IL15RA: variants seen among roughly 807,000 people sequenced by gnomAD.
IL15RA encodes the protein interleukin-15 receptor subunit alpha.
In IL15RA, 26 loss-of-function variants were observed where a neutral mutation model predicts 24.2. The observed-to-expected ratio is 1.07, with a 90% CI of 0.79 to 1.49. IL15RA has a LOEUF of 1.49. Ranked by LOEUF, IL15RA falls within the 40% of genes most tolerant of loss-of-function variation. IL15RA has a pLI of 0.00. For synonymous variants in IL15RA, 166 were observed against 157.6 expected, an observed-to-expected ratio of 1.05 and a Z score of -0.40; for missense variants, 354 against 356.4, an observed-to-expected ratio of 0.99 and a Z score of 0.05.
chr10:5,969,364 TTA>T (rs1017507756), intron 1 of IL15RA, among the ~76,000 whole-genome samples: 5 of 137,006 alleles, frequency 3.6e-5, no homozygotes, highest in African/African-American at 1.1e-4. Flanking sequence ...TTAAATTAAA[TTA>T]AATTAAATTA....
intron 1 of IL15RA, among the ~76,000 whole-genome samples, chr10:5,976,397 G>T (rs1403607093): frequency 6.6e-6 from 1 of 152,198 alleles, no homozygotes; most frequent in Non-Finnish European, 1.5e-5. Flanking sequence ...TCAGGGTCTC[G>T]CTTAAAAACA....
In IL15RA at chr10:5,953,140, G is replaced by C. The variant is rs1427045505; in HGVS notation, c.759C>G (p.Thr253=). Residue 253 remains threonine (T), a synonymous_variant, in exon 7 of 7, where the codon ACC becomes ACG. Transcript: ENST00000379977. This position sits in a 1 kb window ranked among gnomAD's most constrained non-coding sequence, Gnocchi z 5.3. The part of the protein sequence containing the change: ...AMEALPVTWG[T]SSRDEDLENC... Reference sequence around the variant, plus strand: ...TTTCCAAGTCTTCATCTCTGCTGCTGGTCCCCCAAGTCACCGGCAGAGCCT... The same window carrying C: ...TTTCCAAGTCTTCATCTCTGCTGCTCGTCCCCCAAGTCACCGGCAGAGCCT... 6 of 1,614,210 alleles carry C rather than the reference G, an allele frequency of 3.7e-6. No individual in the cohort carries two copies. The highest frequency in any genetic ancestry group is 5.1e-6 in the Non-Finnish European group (6 of 1,180,004).
chr10:5,968,103 A>C lies in IL15RA; in HGVS notation c.89-1764T>G, dbSNP rs969598410. Among the ~76,000 whole-genome samples, 1 of 152,164 alleles carries C rather than the reference A, an allele frequency of 6.6e-6. No individual in the cohort carries two copies. Among genetic ancestry groups the C allele is most frequent in the Non-Finnish European group, 1.5e-5 (1 of 68,030 alleles). ...CAAAAACCAACAAACCAACCAAACAAAAAACATTAGCAACAAATGCCAAAG... is the reference window on the plus strand; with the variant it reads ...CAAAAACCAACAAACCAACCAAACACAAAACATTAGCAACAAATGCCAAAG... On this transcript the variant is annotated intron_variant, in intron 1 of 6. Coordinates refer to ENST00000379977, the MANE Select transcript of IL15RA (RefSeq NM_002189.4). This position sits in a 1 kb window ranked among gnomAD's most constrained non-coding sequence, Gnocchi z 5.4.
At chr10:5,950,815 G>A, downstream of IL15RA, 1 of 152,646 alleles carries the variant, frequency 6.6e-6, no homozygotes, top group Non-Finnish European at 1.5e-5. The surrounding 1 kb of genome is among the most constrained non-coding windows in gnomAD (Gnocchi z 5.6). Flanking sequence ...TTTTGATGAA[G>A]GCATCTAAGC....
rs752562903 is a variant in IL15RA at position 5,953,249 on chromosome 10, T to G, written c.693-43A>C. 2 of 1,417,378 alleles carry G rather than the reference T, an allele frequency of 1.4e-6. No homozygotes were observed. The highest frequency in any genetic ancestry group is 1.2e-5 in the South Asian group (1 of 86,942). 87.8% of individuals were successfully genotyped at this position (1,417,378 alleles called of 1,614,324 possible). On this transcript the variant is annotated intron_variant, in intron 6 of 6. Coordinates refer to ENST00000379977, the MANE Select transcript of IL15RA (RefSeq NM_002189.4). This position sits in a 1 kb window ranked among gnomAD's most constrained non-coding sequence, Gnocchi z 5.3. ...CATAGGTTTTGAAAAGAGGAGGGGG[T>G]TGCCCTCAAATCAACAGACGCTTCC...
rs1835905251 is a variant in IL15RA at position 5,963,293 on chromosome 10, C to T, written c.382+450G>A. Among the ~76,000 whole-genome samples the T allele has an allele frequency of 6.6e-6, 1 of 152,220 alleles. No individual in the cohort carries two copies. Among genetic ancestry groups the T allele is most frequent in the Non-Finnish European group, 1.5e-5 (1 of 68,048 alleles). ...GAGTGGACAGGCATCTGTTCAGGCC[C>T]AACTGTGCTGCCCCTGCTGGCTAGG... On this transcript the variant is annotated intron_variant, in intron 3 of 6. Coordinates refer to ENST00000379977, the MANE Select transcript of IL15RA (RefSeq NM_002189.4). This position sits in a 1 kb window ranked among gnomAD's most constrained non-coding sequence, Gnocchi z 5.3.
rs1475152482 is a variant in IL15RA, at chr10:5,971,491, G to A, written c.89-5152C>T. ...CAGCCTCGGCCTGGTTCCATATCCA[G>A]AGTTCAGAGGTTGTCGGGTTAGCGT... On this transcript the variant is annotated intron_variant, in intron 1 of 6. Coordinates refer to ENST00000379977, the MANE Select transcript of IL15RA (RefSeq NM_002189.4). The surrounding 1 kb of genome is among the most constrained non-coding windows in gnomAD (Gnocchi z 5.5). Among the ~76,000 whole-genome samples the A allele has an allele frequency of 6.6e-6, 1 of 152,228 alleles. No homozygotes were observed. Among genetic ancestry groups the A allele is most frequent in the Non-Finnish European group, 1.5e-5 (1 of 68,044 alleles).
rs1837586372 is a variant in IL15RA, at chr10:5,971,438, T to C, written c.89-5099A>G. Among the ~76,000 whole-genome samples, 1 of 152,186 alleles carries C rather than the reference T, an allele frequency of 6.6e-6. No homozygotes were observed. Among genetic ancestry groups the C allele is most frequent in the African/African-American group, 2.4e-5 (1 of 41,450 alleles). ...GAATCACACTTCCTTATCTATCAGGTTGGTTTACAGAGTCTAATAAGAGCT... is the reference window on the plus strand; with the variant it reads ...GAATCACACTTCCTTATCTATCAGGCTGGTTTACAGAGTCTAATAAGAGCT... On this transcript the variant is annotated intron_variant, in intron 1 of 6. Coordinates refer to ENST00000379977, the MANE Select transcript of IL15RA (RefSeq NM_002189.4). This position sits in a 1 kb window ranked among gnomAD's most constrained non-coding sequence, Gnocchi z 5.5.
At chr10:5,954,012 G>C (rs1589152443) in intron 6 of IL15RA, 1 of 152,132 alleles carries the variant, frequency 6.6e-6, no homozygotes, top group East Asian at 1.9e-4. Flanking sequence ...CTAAAATAAG[G>C]CAGGATGGGG....
chr10:5,964,778 G>A lies in IL15RA; in HGVS notation c.284-937C>T, dbSNP rs1836220469. Among the ~76,000 whole-genome samples, 1 of 152,220 alleles carries A rather than the reference G, an allele frequency of 6.6e-6. No homozygotes were observed. On this transcript the variant is annotated intron_variant, in intron 2 of 6. Coordinates refer to ENST00000379977, the MANE Select transcript of IL15RA (RefSeq NM_002189.4). The surrounding 1 kb of genome is among the most constrained non-coding windows in gnomAD (Gnocchi z 5.6). ...TTTTACCTCGGGCAGACAGGTTCCAGGGAGTCCCAGGACTGGCAGAGTAAG... is the reference window on the plus strand; with the variant it reads ...TTTTACCTCGGGCAGACAGGTTCCAAGGAGTCCCAGGACTGGCAGAGTAAG...
intron 6 of IL15RA, among the ~76,000 whole-genome samples, chr10:5,954,175 T>TC: frequency 9.4e-6 from 1 of 106,008 alleles, no homozygotes; most frequent in Non-Finnish European, 1.9e-5. Context: ...CTTCTTTTTT[T>TC]TTTTTTTTTT....
rs535507050 is a variant in IL15RA, at chr10:5,977,487, G to T, written c.6C>A (p.Ala2=). The T allele has an allele frequency of 3.7e-6, 5 of 1,354,918 alleles. No homozygotes were observed. The highest frequency in any genetic ancestry group is 4.7e-6 in the Non-Finnish European group (5 of 1,055,400). 83.9% of individuals were successfully genotyped at this position (1,354,918 alleles called of 1,614,324 possible). A position where few individuals can be genotyped will look rare whatever the true frequency, so the allele number is the denominator to read the frequency against. The change falls in exon 1 of 7, where the codon GCC becomes GCA. Residue 2 remains alanine (A), a synonymous_variant. Coordinates refer to ENST00000379977, the MANE Select transcript of IL15RA (RefSeq NM_002189.4). M[A]PRRARGCRTL... Reference sequence around the variant, plus strand: ...TCCGGCAGCCGCGCGCCCGCCGCGGGGCCATGGCGGCAGCTCCACAGGACA... The same window carrying T: ...TCCGGCAGCCGCGCGCCCGCCGCGGTGCCATGGCGGCAGCTCCACAGGACA...
chr10:5,963,735 C>A lies in IL15RA; in HGVS notation c.382+8G>T. 6.6e-7 allele frequency: 1 copy of A among 1,506,066 alleles called. No homozygotes were observed. The highest frequency in any genetic ancestry group is 1.4e-5 in the South Asian group (1 of 73,972). The allele number at this position is 1,506,066 out of a possible 1,614,324, so 93.3% of individuals were successfully genotyped here. A position where few individuals can be genotyped will look rare whatever the true frequency, so the allele number is the denominator to read the frequency against. On this transcript the variant is annotated splice_region_variant and intron_variant, in intron 3 of 6. Transcript: ENST00000379977. This position sits in a 1 kb window ranked among gnomAD's most constrained non-coding sequence, Gnocchi z 5.3. Reference sequence around the variant, plus strand: ...TGAATGTCCTCGAGAAGTTTCTGACCTTCCTACCTTTTCCAGAAGGGGAGA... The same window carrying A: ...TGAATGTCCTCGAGAAGTTTCTGACATTCCTACCTTTTCCAGAAGGGGAGA...
chr10:5,974,657 C>T (rs8177643), intron 1 of IL15RA, among the ~76,000 whole-genome samples: 47,615 of 151,798 alleles, frequency 0.31, 7,680 homozygotes, highest in African/African-American at 0.35. Context: ...CAGGCAGATC[C>T]CCTGAGGTCA....
Position 5,955,022 on chromosome 10 carries a change from T to C in IL15RA, c.692+1357A>G, listed in dbSNP as rs1023450269. Reference sequence around the variant, plus strand: ...TTGAAGATTTATGTGAAGTTTTAGATACTGGTTTTCATTTTGACTTTATAG... The same window carrying C: ...TTGAAGATTTATGTGAAGTTTTAGACACTGGTTTTCATTTTGACTTTATAG... On this transcript the variant is annotated intron_variant, in intron 6 of 6. Coordinates refer to ENST00000379977, the MANE Select transcript of IL15RA (RefSeq NM_002189.4). The surrounding 1 kb of genome is among the most constrained non-coding windows in gnomAD (Gnocchi z 5.3). Among the ~76,000 whole-genome samples, 3 of 152,196 alleles carry C rather than the reference T, an allele frequency of 2.0e-5. No homozygotes were observed. The highest frequency in any genetic ancestry group is 1.3e-4 in the Admixed American group (2 of 15,280).
rs958016160 is a variant in IL15RA, at chr10:5,955,359, G to A, written c.692+1020C>T. ...CGCGATCTGCCTGCCTTGGCCTCCCGAAGTGCTGGGATTACAGGCATGAGC... is the reference window on the plus strand; with the variant it reads ...CGCGATCTGCCTGCCTTGGCCTCCCAAAGTGCTGGGATTACAGGCATGAGC... On this transcript the variant is annotated intron_variant, in intron 6 of 6. Transcript: ENST00000379977. This position sits in a 1 kb window ranked among gnomAD's most constrained non-coding sequence, Gnocchi z 5.3. Among the ~76,000 whole-genome samples, 2 of 151,940 alleles carry A rather than the reference G, an allele frequency of 1.3e-5. No individual in the cohort carries two copies. The highest frequency in any genetic ancestry group is 2.1e-4 in the South Asian group (1 of 4,818).
At position 5,971,533 on chromosome 10, in the gene IL15RA, A is replaced by G. The variant is rs1837608641; in HGVS notation, c.89-5194T>C. The stretch of plus-strand genomic sequence containing the variant: ...GGTTAGCGTGGCTCCCAATCCTGTG[A>G]GCAGAGTCAGAATGGACTCCAACAT... On this transcript the variant is annotated intron_variant, in intron 1 of 6. Coordinates refer to ENST00000379977, the MANE Select transcript of IL15RA (RefSeq NM_002189.4). This position sits in a 1 kb window ranked among gnomAD's most constrained non-coding sequence, Gnocchi z 5.5. Among the ~76,000 whole-genome samples the G allele has an allele frequency of 1.3e-5, 2 of 152,316 alleles. No homozygotes were observed. The highest frequency in any genetic ancestry group is 4.8e-5 in the African/African-American group (2 of 41,566).
chr10:5,959,522 C>T lies in IL15RA; in HGVS notation c.616+232G>A, dbSNP rs1835139095. On this transcript the variant is annotated intron_variant, in intron 5 of 6. Coordinates refer to ENST00000379977, the MANE Select transcript of IL15RA (RefSeq NM_002189.4). This position sits in a 1 kb window ranked among gnomAD's most constrained non-coding sequence, Gnocchi z 4.1. ...GGGGTGCCAGCTCTCTGGGTTCAAC[C>T]CCAGTAGCCTGACAGCTAGAAGCTA... 6.6e-6 allele frequency among the ~76,000 whole-genome samples: 1 copy of T among 152,184 alleles called. No homozygotes were observed. The highest frequency in any genetic ancestry group is 2.1e-4 in the South Asian group (1 of 4,832).
intron 5 of IL15RA, among the ~76,000 whole-genome samples, chr10:5,956,949 C>A (rs1323265319): frequency 6.7e-6 from 1 of 149,784 alleles, no homozygotes; most frequent in Non-Finnish European, 1.5e-5. Flanking sequence ...ATTTTTTTTT[C>A]ACTTGCAATT....
Sources: allele counts gnomAD v4.1 joint callset (sites outside exome capture counted in the v4.1 genomes callset), GRCh38; gene constraint gnomAD v4.1.1; non-coding constraint Gnocchi (gnomAD v3.1); transcripts MANE v1.5; gene names NCBI Gene and HGNC (gene_info 2026-07-23, HGNC 2026-07-21).